The following TMCC2 variants were observed in gnomAD, a reference collection of about 807,000 sequenced individuals.
The protein encoded by TMCC2 is transmembrane and coiled-coil domain family 2.
Under a neutral mutation model 49.4 loss-of-function variants are expected in TMCC2, and 16 were observed. The observed-to-expected ratio is 0.32, with a 90% CI of 0.22 to 0.49. The LOEUF is 0.49. TMCC2 is among the 20% of genes least tolerant of loss of function. The pLI, the probability that TMCC2 is intolerant of heterozygous loss-of-function variation, is 0.99. For missense variants in TMCC2, 762 were observed against 989.8 expected, an observed-to-expected ratio of 0.77 and a Z score of 3.09; for synonymous variants, 397 against 434.1, an observed-to-expected ratio of 0.91 and a Z score of 1.06.
At position 205,272,977 on chromosome 1, in the gene TMCC2, G is replaced by C. The variant is rs1661658006; in HGVS notation, c.*853G>C. 6.6e-6 allele frequency: 1 copy of C among 152,352 alleles called. No individual in the cohort carries two copies. Among genetic ancestry groups the C allele is most frequent in the Admixed American group, 6.5e-5 (1 of 15,270 alleles). 9.4% of individuals were successfully genotyped at this position (152,352 alleles called of 1,614,324 possible). A position where few individuals can be genotyped will look rare whatever the true frequency, so the allele number is the denominator to read the frequency against. On this transcript the variant is annotated 3_prime_UTR_variant, in exon 5 of 5. Transcript: ENST00000358024. ...AGAGGTCCTGCCCCATCCTCTCTCT[G>C]AAGCCAGGGCCCTTCCATTCCATTT...
chr1:205,271,929 G>A lies in TMCC2; in HGVS notation c.1935G>A (p.Lys645=), dbSNP rs1436466233. The change falls in exon 5 of 5, where the codon AAG becomes AAA. Residue 645 remains lysine (K), a synonymous_variant. Coordinates refer to ENST00000358024, the MANE Select transcript of TMCC2 (RefSeq NM_014858.4). ...ENANARALLG[K]FINVILALMA... ...CCAACGCGCGGGCGCTGCTGGGCAA[G>A]TTCATCAACGTGATCCTGGCGCTCA... is the stretch of plus-strand genomic sequence containing the variant. The A allele has an allele frequency of 2.5e-6, 4 of 1,614,234 alleles. No homozygotes were observed. The highest frequency in any genetic ancestry group is 3.4e-6 in the Non-Finnish European group (4 of 1,180,040).
intron 2 of TMCC2, chr1:205,267,881 A>G (rs1458619235): frequency 2.0e-6 from 2 of 985,076 alleles, no homozygotes; most frequent in African/African-American, 3.5e-5. Context: ...CAGGCCCCCA[A>G]ACTGGTCCCT....
chr1:205,266,886 A>G (rs1430727007), intron 2 of TMCC2, among the ~76,000 whole-genome samples: 1 of 152,232 alleles, frequency 6.6e-6, no homozygotes, highest in Non-Finnish European at 1.5e-5. Flanking sequence ...AGGACACTGA[A>G]GGTCAGGAAA....
Position 205,245,519 on chromosome 1 carries a change from T to C in TMCC2, c.747+3475T>C, listed in dbSNP as rs115682670. ...CTCAGATATAAAGTTGTTTTTACCT[T>C]AGATGATCACCAGAGCAGATCCATC... On this transcript the variant is annotated intron_variant, in intron 2 of 4. Coordinates refer to ENST00000358024, the MANE Select transcript of TMCC2 (RefSeq NM_014858.4). 2.8e-3 allele frequency among the ~76,000 whole-genome samples: 432 copies of C among 152,362 alleles called. 4 individuals carry two copies. The highest frequency in any genetic ancestry group is 9.5e-3 in the African/African-American group (394 of 41,586).
At chr1:205,257,074 C>T (rs376105474) in intron 2 of TMCC2, 32 of 980,530 alleles carry the variant, frequency 3.3e-5, no homozygotes, top group East Asian at 2.9e-4. Flanking sequence ...CATCAGAGCT[C>T]GGTCCTCCCG....
intron 2 of TMCC2, among the ~76,000 whole-genome samples, chr1:205,250,235 CTT>C (rs1480861503): frequency 1.3e-5 from 2 of 152,158 alleles, no homozygotes; most frequent in Non-Finnish European, 2.9e-5. Context: ...CACCCACTGA[CTT>C]TCTTTCTAGA....
intron 2 of TMCC2, among the ~76,000 whole-genome samples, chr1:205,259,601 G>A (rs777073576): frequency 1.3e-5 from 2 of 152,156 alleles, no homozygotes; most frequent in Non-Finnish European, 2.9e-5. Context: ...CCCGGATATC[G>A]GGGATCCAGG....
At chr1:205,233,899 G>A (rs951326207) in intron 1 of TMCC2, 1 of 151,744 alleles carries the variant, frequency 6.6e-6, no homozygotes, top group Non-Finnish European at 1.5e-5. Context: ...CAGTGAGAGT[G>A]GAGAGTTTCT....
chr1:205,232,934 C>CAAAAAAAAAAAAAAA (rs35561522), intron 1 of TMCC2, among the ~76,000 whole-genome samples: 1 of 45,596 alleles, frequency 2.2e-5, no homozygotes. Context: ...GACCCTATCT[C>CAAAAAAAAAAAAAAA]AAAAAAAAAA....
intron 1 of TMCC2, chr1:205,229,835 A>G (rs1469665531): frequency 5.1e-6 from 5 of 985,262 alleles, no homozygotes; most frequent in Non-Finnish European, 6.0e-6. Context: ...TGTCTTGAAT[A>G]TATCTCTATC....
chr1:205,243,939 G>C (rs966284628), intron 2 of TMCC2, among the ~76,000 whole-genome samples: 1 of 152,228 alleles, frequency 6.6e-6, no homozygotes, highest in African/African-American at 2.4e-5. Context: ...GCCCGAGAGA[G>C]AGCAGTCAGA....
intron 2 of TMCC2, among the ~76,000 whole-genome samples, chr1:205,250,959 GT>G (rs957253060): frequency 1.3e-5 from 2 of 151,920 alleles, no homozygotes; most frequent in Admixed American, 6.6e-5. Flanking sequence ...TACCCAGCAC[GT>G]TCTTCCCTGG....
intron 1 of TMCC2, chr1:205,229,562 T>TGGGGGGGG (rs1659707258): frequency 6.6e-6 from 3 of 453,358 alleles, no homozygotes; most frequent in South Asian, 1.1e-4. Flanking sequence ...GGGGGGGTGG[T>TGGGGGGGG]GGCGGGGGCG....
chr1:205,241,836 G>A lies in TMCC2; in HGVS notation c.539G>A (p.Ser180Asn). The A allele has an allele frequency of 6.2e-7, 1 of 1,600,232 alleles. No individual in the cohort carries two copies. The highest frequency in any genetic ancestry group is 1.3e-5 in the African/African-American group (1 of 74,740). The stretch of plus-strand genomic sequence containing the variant: ...GGGGGCGGCAGCAGCGGGAGCAGCA[G>A]CCGGCGCACCAAGAGTAGCTCCCTG... ...SSGGGSSGSSSRRTKSSSLEP... is the reference protein window; with the variant it reads ...SSGGGSSGSSNRRTKSSSLEP... The change falls in exon 2 of 5, where the codon AGC (serine) becomes AAC (asparagine). Residue 180 changes from serine (S) to asparagine (N), a missense_variant. Around this residue, in one of 2 missense-constraint regions of TMCC2, gnomAD observed 322 missense variants for 353.1 expected, o/e 0.91. Coordinates refer to ENST00000358024, the MANE Select transcript of TMCC2 (RefSeq NM_014858.4). The surrounding 1 kb of genome is among the most constrained non-coding windows in gnomAD (Gnocchi z 7.3).
At chr1:205,242,229 C>T (rs1001929187) in intron 2 of TMCC2, among the ~76,000 whole-genome samples, 185 bp downstream of exon 2, 11 of 152,136 alleles carry the variant, frequency 7.2e-5, no homozygotes, top group African/African-American at 2.7e-4. Flanking sequence ...GAGATGATTC[C>T]CAGGATGGCT....
chr1:205,259,130 G>T (rs1157601211), intron 2 of TMCC2, among the ~76,000 whole-genome samples: 1 of 152,164 alleles, frequency 6.6e-6, no homozygotes, highest in East Asian at 1.9e-4. Context: ...CCATTGTCAG[G>T]ATGACTGGGC....
intron 1 of TMCC2, 56 bp downstream of exon 1, chr1:205,228,827 C>T (rs1167682373): frequency 6.5e-7 from 1 of 1,531,596 alleles, no homozygotes; most frequent in African/African-American, 1.4e-5. Flanking sequence ...TCTCGCCACC[C>T]CACGCAGAAG....
chr1:205,256,155 G>A (rs1050523866), intron 2 of TMCC2: 15 of 1,361,858 alleles, frequency 1.1e-5, no homozygotes, highest in South Asian at 4.5e-5. Context: ...TCAACGTGAC[G>A]CGTGTCGGCC....
At chr1:205,242,399 C>CA (rs1660308120) in intron 2 of TMCC2, among the ~76,000 whole-genome samples, 2 of 152,182 alleles carry the variant, frequency 1.3e-5, no homozygotes, top group African/African-American at 4.8e-5. Flanking sequence ...ACTCAGTTAA[C>CA]CTCTTTGTGC....
Sources: gnomAD v4.1 joint callset for allele counts (sites outside exome capture counted in the v4.1 genomes callset) on GRCh38, gnomAD v4.1.1 for gene constraint, gnomAD v4.1.1 regional missense constraint, Gnocchi (gnomAD v3.1) non-coding constraint, MANE v1.5 for transcripts, NCBI Gene and HGNC (gene_info 2026-07-23, HGNC 2026-07-21) for gene names.